Variants in MIS18A observed in about 807,000 individuals in gnomAD.
MIS18A encodes MIS18 kinetochore protein A.
Under a neutral mutation model 25.0 loss-of-function variants are expected in MIS18A, and 14 were observed. The observed-to-expected ratio is 0.56, with a 90% CI of 0.37 to 0.88. The LOEUF (loss-of-function observed/expected upper bound fraction) is 0.88. MIS18A is among the 40% of genes least tolerant of loss of function. MIS18A has a pLI of 0.00. For missense variants in MIS18A, 292 were observed against 290.8 expected, an observed-to-expected ratio of 1.00 and a Z score of -0.03; for synonymous variants, 134 against 118.6, an observed-to-expected ratio of 1.13 and a Z score of -0.84.
chr21:32,245,437 G>A, the MIS18A span, among the ~76,000 whole-genome samples: 85 of 152,326 alleles, frequency 5.6e-4, no homozygotes, highest in African/African-American at 2.0e-3. Context: ...ATGTTACTTA[G>A]ATGTCCAACA....
the MIS18A span, among the ~76,000 whole-genome samples, chr21:32,246,343 C>G: frequency 1.3e-5 from 2 of 152,276 alleles, no homozygotes; most frequent in East Asian, 3.9e-4. Context: ...AGGTGTAGAC[C>G]TGGGACTGCA....
the MIS18A span, among the ~76,000 whole-genome samples, chr21:32,181,452 A>G: frequency 6.6e-6 from 1 of 152,172 alleles, no homozygotes; most frequent in African/African-American, 2.4e-5. Context: ...TCACTAATAC[A>G]TGGGGAATAA....
the MIS18A span, among the ~76,000 whole-genome samples, chr21:32,166,766 G>A: frequency 9.2e-5 from 14 of 152,200 alleles, no homozygotes; most frequent in South Asian, 4.2e-4. Context: ...ACTCCCCTTC[G>A]AGAGATGGAG....
At chr21:32,196,459 CTTTT>C in the MIS18A span, among the ~76,000 whole-genome samples, 14 of 130,986 alleles carry the variant, frequency 1.1e-4, no homozygotes, top group Admixed American at 3.1e-4. Flanking sequence ...GAGCTAATGT[CTTTT>C]TTTTTTTTTT....
the MIS18A span, among the ~76,000 whole-genome samples, chr21:32,176,274 C>T: frequency 7.2e-5 from 11 of 152,150 alleles, no homozygotes; most frequent in African/African-American, 2.4e-4. Context: ...ATACAACTGG[C>T]AGCATGATAG....
chr21:32,278,204 T>C (rs1385017723), intron 1 of MIS18A: 1 of 155,882 alleles, frequency 6.4e-6, no homozygotes, highest in Non-Finnish European at 1.4e-5. Flanking sequence ...TATTGCAAGT[T>C]TCCTTCCCTT....
chr21:32,192,300 C>T, the MIS18A span, among the ~76,000 whole-genome samples: 1 of 152,228 alleles, frequency 6.6e-6, no homozygotes, highest in Non-Finnish European at 1.5e-5. Context: ...TCCAACCCGA[C>T]TGCAGAACTG....
chr21:32,177,713 C>G, the MIS18A span, among the ~76,000 whole-genome samples: 1 of 151,588 alleles, frequency 6.6e-6, no homozygotes, highest in Non-Finnish European at 1.5e-5. Context: ...GGGAATAAAC[C>G]CAAAGAAAAT....
chr21:32,254,730 T>C, the MIS18A span, among the ~76,000 whole-genome samples: 1 of 152,116 alleles, frequency 6.6e-6, no homozygotes, highest in Non-Finnish European at 1.5e-5. Context: ...CTAGAATCCG[T>C]CTCCTCTTTT....
chr21:32,236,918 G>A, the MIS18A span, among the ~76,000 whole-genome samples: 1 of 152,130 alleles, frequency 6.6e-6, no homozygotes, highest in African/African-American at 2.4e-5. Flanking sequence ...AGGAATGCAG[G>A]CAAGGGTTTG....
chr21:32,226,403 G>C, the MIS18A span, among the ~76,000 whole-genome samples: 1 of 151,944 alleles, frequency 6.6e-6, no homozygotes, highest in Non-Finnish European at 1.5e-5. Flanking sequence ...TAAAAGGATA[G>C]GAAAATATAT....
At chr21:32,255,887 T>TC in the MIS18A span, among the ~76,000 whole-genome samples, 10 of 146,766 alleles carry the variant, frequency 6.8e-5, no homozygotes, top group South Asian at 2.1e-4. Context: ...CGAGACTCTG[T>TC]CCCAAAAAAA....
At chr21:32,203,421 G>T in the MIS18A span, among the ~76,000 whole-genome samples, 1 of 151,342 alleles carries the variant, frequency 6.6e-6, no homozygotes, top group East Asian at 1.9e-4. Context: ...AGAGAGTGAT[G>T]GGAGGAATCA....
At chr21:32,243,218 A>G in the MIS18A span, among the ~76,000 whole-genome samples, 1 of 152,246 alleles carries the variant, frequency 6.6e-6, no homozygotes, top group Admixed American at 6.5e-5. Flanking sequence ...TATGACACCA[A>G]AAAAGATAAA....
the MIS18A span, among the ~76,000 whole-genome samples, chr21:32,173,586 A>T: frequency 6.6e-6 from 1 of 152,236 alleles, no homozygotes; most frequent in South Asian, 2.1e-4. Flanking sequence ...TGGTATATAC[A>T]TACTCTGGAA....
the MIS18A span, among the ~76,000 whole-genome samples, chr21:32,246,640 A>G: frequency 3.3e-5 from 5 of 152,294 alleles, no homozygotes; most frequent in Admixed American, 1.3e-4. Context: ...AGTTGAGGGC[A>G]TCTTCCTTCT....
At chr21:32,274,775 G>T in intron 2 of MIS18A, 55 bp downstream of exon 2, 3 of 1,409,870 alleles carry the variant, frequency 2.1e-6, no homozygotes, top group Non-Finnish European at 2.0e-6. Context: ...ACCTTTTAAA[G>T]ATTTTTATTA....
chr21:32,159,250 C>T, the MIS18A span, among the ~76,000 whole-genome samples: 1 of 152,088 alleles, frequency 6.6e-6, no homozygotes, highest in Non-Finnish European at 1.5e-5. Context: ...TTACATTTAC[C>T]TCATTAATTT....
At chr21:32,226,413 T>C in the MIS18A span, among the ~76,000 whole-genome samples, 1 of 152,022 alleles carries the variant, frequency 6.6e-6, no homozygotes, top group Non-Finnish European at 1.5e-5. Context: ...GGAAAATATA[T>C]ACCATTCATA....
Sources: gnomAD v4.1 joint callset for allele counts (sites outside exome capture counted in the v4.1 genomes callset) on GRCh38, gnomAD v4.1.1 for gene constraint, MANE v1.5 for transcripts, NCBI Gene and HGNC (gene_info 2026-07-23, HGNC 2026-07-21) for gene names.